FTO: variants seen among roughly 807,000 people sequenced by gnomAD.
FTO encodes the protein FTO alpha-ketoglutarate dependent dioxygenase.
Under a neutral mutation model 63.9 loss-of-function variants are expected in FTO, and 47 were observed. That is an observed-to-expected ratio of 0.74 (90% CI 0.58 to 0.94). The LOEUF (loss-of-function observed/expected upper bound fraction) is 0.94. FTO is among the 40% of genes least tolerant of loss of function. FTO has a pLI of 0.00. For missense variants in FTO, 562 were observed against 618.1 expected (o/e 0.91, Z 0.96); for synonymous variants, 207 against 224.4 (o/e 0.92, Z 0.69).
In FTO at chr16:54,112,461, G is replaced by A. The variant is rs1454621496; in HGVS notation, c.*546G>A. On this transcript the variant is annotated 3_prime_UTR_variant, in exon 9 of 9. Coordinates refer to ENST00000471389, the MANE Select transcript of FTO (RefSeq NM_001080432.3). The stretch of plus-strand genomic sequence containing the variant: ...TTTCAAGTGCTTAACAGCCTCATGT[G>A]GCTAGTGACTGCTGTATTGGACGGT... 2 of 172,766 alleles carry A rather than the reference G, an allele frequency of 1.2e-5. No homozygotes were observed. The highest frequency in any genetic ancestry group is 1.5e-4 in the East Asian group (1 of 6,488). The allele number at this position is 172,766 out of a possible 1,614,324, so 10.7% of individuals were successfully genotyped here. A position where few individuals can be genotyped will look rare whatever the true frequency, so the allele number is the denominator to read the frequency against.
At chr16:53,742,222 CT>C (rs111599820) in intron 1 of FTO, among the ~76,000 whole-genome samples, 1,668 of 152,166 alleles carry the variant, frequency 0.011, 28 homozygotes, top group East Asian at 0.04. Context: ...TTGGAGGCTG[CT>C]TTACTATGTG....
intron 1 of FTO, among the ~76,000 whole-genome samples, chr16:53,737,708 T>C (rs1230885308): frequency 6.6e-6 from 1 of 152,176 alleles, no homozygotes; most frequent in African/African-American, 2.4e-5. Context: ...TAGTGCCCTC[T>C]TGGGAAACAT....
At chr16:53,970,583 T>G (rs1599116252) in intron 8 of FTO, among the ~76,000 whole-genome samples, 1 of 127,958 alleles carries the variant, frequency 7.8e-6, no homozygotes. Flanking sequence ...AGGGCGAGAC[T>G]CCATCTCAAA....
At chr16:53,921,909 T>C (rs534335799) in intron 7 of FTO, among the ~76,000 whole-genome samples, 1 of 152,282 alleles carries the variant, frequency 6.6e-6, no homozygotes, top group South Asian at 2.1e-4. Flanking sequence ...ATGTATAATC[T>C]ACCAACACTA....
intron 2 of FTO, chr16:53,814,824 A>T (rs370277068): frequency 1.2e-3 from 190 of 152,224 alleles, no homozygotes; most frequent in South Asian, 6.0e-3. Context: ...AAACAAATGG[A>T]TTTCACTCCC....
At chr16:53,999,336 T>C (rs7199716) in intron 8 of FTO, among the ~76,000 whole-genome samples, 87,084 of 152,046 alleles carry the variant, frequency 0.57, 25,201 homozygotes, top group African/African-American at 0.66. Flanking sequence ...AGGGGATTTC[T>C]CTCTTCCGGA....
chr16:54,050,413 G>T (rs2085284643), intron 8 of FTO, among the ~76,000 whole-genome samples: 2 of 152,068 alleles, frequency 1.3e-5, no homozygotes, highest in African/African-American at 4.8e-5. Context: ...TAAATATTTG[G>T]TCATATGAAT....
intron 8 of FTO, among the ~76,000 whole-genome samples, chr16:53,977,471 T>G (rs1334243443): frequency 6.6e-6 from 1 of 152,246 alleles, no homozygotes; most frequent in African/African-American, 2.4e-5. Context: ...TCAGTAGAAC[T>G]CATTCATTCC....
chr16:53,985,667 G>A (rs1456399474), intron 8 of FTO, among the ~76,000 whole-genome samples: 3 of 152,182 alleles, frequency 2.0e-5, no homozygotes, highest in African/African-American at 7.2e-5. Flanking sequence ...GACACCAAAT[G>A]TAGGGCCCGA....
At chr16:53,788,601 T>TAA (rs2077814292) in intron 1 of FTO, among the ~76,000 whole-genome samples, 1 of 78,956 alleles carries the variant, frequency 1.3e-5, no homozygotes, top group Non-Finnish European at 2.4e-5. Flanking sequence ...AGACTCTGTC[T>TAA]CAAAAAAAAA....
chr16:53,710,162 GCTAT>G (rs1567917082), intron 1 of FTO, among the ~76,000 whole-genome samples: 2 of 148,520 alleles, frequency 1.3e-5, no homozygotes, highest in South Asian at 2.1e-4. Context: ...ATGTGTGCAA[GCTAT>G]CTTTTATTTA....
chr16:53,933,545 A>G (rs1665288812), intron 7 of FTO, among the ~76,000 whole-genome samples: 2 of 152,208 alleles, frequency 1.3e-5, no homozygotes, highest in Admixed American at 6.5e-5. Flanking sequence ...TAATGATTCA[A>G]ATAAGAGAGG....
Position 53,826,308 on chromosome 16 carries a change from G to A in FTO, c.568G>A (p.Glu190Lys), listed in dbSNP as rs762749778. ...GMGSSYNGQD[E>K]VDIKSRAAYN... ...GGGTTCATCCTACAACGGACAAGAT[G>A]AAGTGGACATTAAGAGCAGAGCAGC... The change falls in exon 3 of 9, where the codon GAA becomes AAA. Residue 190 changes from glutamate to lysine, a missense_variant. By Grantham distance (56) the Glu-to-Lys change is moderately conservative (BLOSUM62 1). Coordinates refer to ENST00000471389, the MANE Select transcript of FTO (RefSeq NM_001080432.3). The A allele has an allele frequency of 3.7e-6, 6 of 1,614,096 alleles. No homozygotes were observed.
At chr16:53,786,838 G>T (rs1232183705) in intron 1 of FTO, among the ~76,000 whole-genome samples, 2 of 152,230 alleles carry the variant, frequency 1.3e-5, no homozygotes, top group African/African-American at 2.4e-5. Context: ...TGGGCTGGGC[G>T]CAGTGGCTCA....
intron 8 of FTO, among the ~76,000 whole-genome samples, chr16:54,015,848 G>A (rs2084432557): frequency 6.6e-6 from 1 of 152,154 alleles, no homozygotes; most frequent in Non-Finnish European, 1.5e-5. Flanking sequence ...GCAAACACAG[G>A]AAACAGGATT....
At chr16:54,040,455 T>G (rs559933564) in intron 8 of FTO, 4 of 152,168 alleles carry the variant, frequency 2.6e-5, no homozygotes, top group Non-Finnish European at 1.5e-5. Context: ...TACCCTAAAG[T>G]TGATGTTTTT....
chr16:53,800,687 G>A (rs2078196243), intron 1 of FTO, among the ~76,000 whole-genome samples: 2 of 152,010 alleles, frequency 1.3e-5, no homozygotes, highest in Admixed American at 6.6e-5. Flanking sequence ...AGATTTTTAT[G>A]TTCTTGATGA....
chr16:54,074,682 T>G (rs1343653494), intron 8 of FTO, among the ~76,000 whole-genome samples: 14 of 152,186 alleles, frequency 9.2e-5, no homozygotes, highest in Non-Finnish European at 1.6e-4. Flanking sequence ...AATGCTGGGA[T>G]GAATATCCTT....
In FTO at chr16:53,787,136, A is replaced by G. The variant is rs980857043; in HGVS notation, c.46-23004A>G. On this transcript the variant is annotated intron_variant, in intron 1 of 8. Transcript: ENST00000471389. Reference sequence around the variant, plus strand: ...AAAAAAAAAAAAAAAAAAAAAAAAAAAAAAAAGAAAAAGAAACACCATCCT... The same window carrying G: ...AAAAAAAAAAAAAAAAAAAAAAAAAGAAAAAAGAAAAAGAAACACCATCCT... Among the ~76,000 whole-genome samples, 7 of 148,500 alleles carry G rather than the reference A, an allele frequency of 4.7e-5. 1 individual carries two copies. The highest frequency in any genetic ancestry group is 7.5e-5 in the African/African-American group (3 of 39,828).
Sources: allele counts gnomAD v4.1 joint callset (sites outside exome capture counted in the v4.1 genomes callset), GRCh38; gene constraint gnomAD v4.1.1; transcripts MANE v1.5; gene names NCBI Gene and HGNC (gene_info 2026-07-23, HGNC 2026-07-21).